EDIL3: variants seen among roughly 807,000 people sequenced by gnomAD.
EDIL3 encodes EGF-like repeat and discoidin I-like domain-containing protein 3.
A neutral mutation model predicts 67.4 loss-of-function variants in EDIL3; 37 were observed. The observed-to-expected ratio is 0.55, with a 90% CI of 0.42 to 0.72. The LOEUF (loss-of-function observed/expected upper bound fraction) is 0.72. Among genes scored for constraint, EDIL3 ranks in the 30% least tolerant of loss-of-function variants. EDIL3 has a pLI of 0.00. For synonymous variants in EDIL3, 195 were observed against 196.3 expected, an observed-to-expected ratio of 0.99 and a Z score of 0.05; for missense variants, 527 against 586.3, an observed-to-expected ratio of 0.90 and a Z score of 1.04.
intron 1 of EDIL3, among the ~76,000 whole-genome samples, chr5:84,289,269 C>T (rs2112116113): frequency 6.6e-6 from 1 of 152,194 alleles, no homozygotes; most frequent in South Asian, 2.1e-4. Flanking sequence ...TACTTAAACT[C>T]ACCCAATAAC....
intron 6 of EDIL3, among the ~76,000 whole-genome samples, chr5:84,076,480 T>G (rs1746857982): frequency 6.6e-6 from 1 of 152,342 alleles, no homozygotes; most frequent in African/African-American, 2.4e-5. Flanking sequence ...GAATGGATTT[T>G]TCACCCATGC....
chr5:84,326,047 C>A (rs1746749529), intron 1 of EDIL3, among the ~76,000 whole-genome samples: 1 of 152,036 alleles, frequency 6.6e-6, no homozygotes, highest in African/African-American at 2.4e-5. Flanking sequence ...CAGGGCTCTG[C>A]CTGCATGAAA....
At chr5:84,236,978 A>C (rs1374411043) in intron 2 of EDIL3, among the ~76,000 whole-genome samples, 1 of 152,100 alleles carries the variant, frequency 6.6e-6, no homozygotes. Flanking sequence ...GAAAGAGAGA[A>C]TCATTAATTC....
At chr5:84,128,449 C>T (rs987993190) in intron 5 of EDIL3, among the ~76,000 whole-genome samples, 5 of 150,656 alleles carry the variant, frequency 3.3e-5, no homozygotes, top group South Asian at 2.1e-4. Flanking sequence ...TACCCAAGAA[C>T]GCCACATTAA....
chr5:84,087,540 A>C (rs1467585770), intron 6 of EDIL3, among the ~76,000 whole-genome samples: 1 of 152,240 alleles, frequency 6.6e-6, no homozygotes, highest in Non-Finnish European at 1.5e-5. Context: ...CAAATAAAAA[A>C]TATTCTCAGT....
chr5:84,241,712 A>G (rs1354222768), intron 2 of EDIL3, among the ~76,000 whole-genome samples: 1 of 149,978 alleles, frequency 6.7e-6, no homozygotes, highest in East Asian at 2.0e-4. Context: ...CCTGACATAA[A>G]AATAATAAGT....
chr5:84,055,668 C>G (rs1199626749), intron 9 of EDIL3, among the ~76,000 whole-genome samples: 1 of 152,094 alleles, frequency 6.6e-6, no homozygotes, highest in African/African-American at 2.4e-5. Flanking sequence ...GGACACTTCT[C>G]AAAAGAAGAC....
chr5:84,343,656 T>C (rs1747172601), intron 1 of EDIL3, among the ~76,000 whole-genome samples: 1 of 152,098 alleles, frequency 6.6e-6, no homozygotes, highest in Admixed American at 6.6e-5. Context: ...GTATACTTCT[T>C]ATATACTCGA....
intron 5 of EDIL3, among the ~76,000 whole-genome samples, chr5:84,126,582 T>C (rs1747873521): frequency 6.6e-6 from 1 of 152,150 alleles, no homozygotes; most frequent in African/African-American, 2.4e-5. Flanking sequence ...TGACATGTAT[T>C]ATGTGAAATG....
intron 9 of EDIL3, among the ~76,000 whole-genome samples, chr5:84,003,257 T>C (rs1204011778): frequency 6.6e-6 from 1 of 152,146 alleles, no homozygotes; most frequent in Non-Finnish European, 1.5e-5. Context: ...TTGGCAGTGG[T>C]TCTGTATTTC....
chr5:84,015,104 T>G (rs1745579519), intron 9 of EDIL3, among the ~76,000 whole-genome samples: 2 of 152,126 alleles, frequency 1.3e-5, no homozygotes, highest in African/African-American at 4.8e-5. Flanking sequence ...GAGGAGTAAT[T>G]TAAGTATGTG....
rs1215284421 is a variant in EDIL3 at position 83,940,690 on chromosome 5, AAAC to A, written c.*2726_*2728del. On this transcript the variant is annotated 3_prime_UTR_variant, in exon 11 of 11. Transcript: ENST00000296591. ...GATATAAGTATATATACAAAGAAAAAAACAACATTGGAATATTACACAGCTTGA... is the reference window on the plus strand; with the variant it reads ...GATATAAGTATATATACAAAGAAAAAAACATTGGAATATTACACAGCTTGA... 2 of 152,014 alleles carry A rather than the reference AAAC, an allele frequency of 1.3e-5. No homozygotes were observed. Among genetic ancestry groups the A allele is most frequent in the African/African-American group, 4.8e-5 (2 of 41,444 alleles). 9.4% of individuals were successfully genotyped at this position (152,014 alleles called of 1,614,324 possible).
At chr5:83,968,349 C>T (rs1002147045) in intron 9 of EDIL3, among the ~76,000 whole-genome samples, 2 of 151,930 alleles carry the variant, frequency 1.3e-5, no homozygotes, top group East Asian at 3.9e-4. Context: ...TGCATTTTCC[C>T]CTTTACTAAA....
At chr5:83,999,828 A>G (rs1745298333) in intron 9 of EDIL3, among the ~76,000 whole-genome samples, 1 of 152,028 alleles carries the variant, frequency 6.6e-6, no homozygotes, top group South Asian at 2.1e-4. Flanking sequence ...ACCAAAGAAA[A>G]CTATCTCAAG....
intron 9 of EDIL3, among the ~76,000 whole-genome samples, chr5:84,002,747 A>T (rs942940327): frequency 6.6e-6 from 1 of 152,228 alleles, no homozygotes; most frequent in Non-Finnish European, 1.5e-5. Flanking sequence ...GCTCTCTGAC[A>T]TTGCAACTGC....
chr5:84,250,296 T>C (rs1283775899), intron 2 of EDIL3, among the ~76,000 whole-genome samples: 1 of 152,152 alleles, frequency 6.6e-6, no homozygotes, highest in Middle Eastern at 3.2e-3. Context: ...AGGTGTGTGA[T>C]AGCTGTGTGT....
chr5:84,324,851 A>G (rs187865171), intron 1 of EDIL3, among the ~76,000 whole-genome samples: 271 of 151,886 alleles, frequency 1.8e-3, no homozygotes, highest in African/African-American at 6.0e-3. Context: ...TCATCACTAA[A>G]TGACAGAGAA....
At chr5:84,246,350 T>A (rs1744909513) in intron 2 of EDIL3, among the ~76,000 whole-genome samples, 1 of 152,226 alleles carries the variant, frequency 6.6e-6, no homozygotes, top group Admixed American at 6.5e-5. Flanking sequence ...ATAGTAGAGA[T>A]CAGTTAACCA....
At chr5:83,976,178 G>T (rs914708790) in intron 9 of EDIL3, among the ~76,000 whole-genome samples, 5 of 151,856 alleles carry the variant, frequency 3.3e-5, no homozygotes, top group Non-Finnish European at 7.4e-5. Flanking sequence ...GTGTTGGGAT[G>T]CATTGCTTCC....
Sources: allele counts gnomAD v4.1 joint callset (sites outside exome capture counted in the v4.1 genomes callset), GRCh38; gene constraint gnomAD v4.1.1; transcripts MANE v1.5; gene names NCBI Gene and HGNC (gene_info 2026-07-23, HGNC 2026-07-21).